ACBD7: variants seen among roughly 807,000 people sequenced by gnomAD.
ACBD7 encodes the protein acyl-CoA binding domain containing 7.
In ACBD7, 11 loss-of-function variants were observed where a neutral mutation model predicts 13.7. The ratio of observed to expected loss-of-function variants is 0.80; its 90% CI spans 0.50 to 1.33. The LOEUF (loss-of-function observed/expected upper bound fraction) is 1.33, where lower values mean the gene tolerates loss of function less well. ACBD7 is among the 40% of genes most tolerant of loss of function. The pLI, the probability that ACBD7 is intolerant of heterozygous loss-of-function variation, is 0.00. For missense variants in ACBD7, 111 were observed against 103.0 expected (o/e 1.08, Z -0.33); for synonymous variants, 43 against 37.7 (o/e 1.14, Z -0.51).
chr10:15,076,462 G>C lies in ACBD7; in HGVS notation c.*2068C>G. On this transcript the variant is annotated 3_prime_UTR_variant, in exon 4 of 4. Coordinates refer to ENST00000356189, the MANE Select transcript of ACBD7 (RefSeq NM_001039844.3). ...AAAGAAAAATAGATATTCCTATGGG[G>C]GCTTTTTAAATTTCTTTAAACTGCT... 1.0e-6 allele frequency: 1 copy of C among 967,706 alleles called. No homozygotes were observed. Among genetic ancestry groups the C allele is most frequent in the Non-Finnish European group, 1.2e-6 (1 of 814,300 alleles). 59.9% of individuals were successfully genotyped at this position (967,706 alleles called of 1,614,324 possible). A position where few individuals can be genotyped will look rare whatever the true frequency, so the allele number is the denominator to read the frequency against.
Position 15,076,483 on chromosome 10 carries a change from C to T in ACBD7, c.*2047G>A. 2.1e-6 allele frequency: 2 copies of T among 945,632 alleles called. No homozygotes were observed. Among genetic ancestry groups the T allele is most frequent in the Non-Finnish European group, 2.5e-6 (2 of 795,466 alleles). 58.6% of individuals were successfully genotyped at this position (945,632 alleles called of 1,614,324 possible). A position where few individuals can be genotyped will look rare whatever the true frequency, so the allele number is the denominator to read the frequency against. The stretch of plus-strand genomic sequence containing the variant: ...TGGGGGCTTTTTAAATTTCTTTAAA[C>T]TGCTATGGACAGACTTGTAATTTTT... On this transcript the variant is annotated 3_prime_UTR_variant, in exon 4 of 4. Coordinates refer to ENST00000356189, the MANE Select transcript of ACBD7 (RefSeq NM_001039844.3).
intron 1 of ACBD7, among the ~76,000 whole-genome samples, chr10:15,080,469 G>A (rs1409881779): frequency 2.0e-5 from 3 of 152,102 alleles, no homozygotes; most frequent in Admixed American, 1.3e-4. Flanking sequence ...AATCCCAGCT[G>A]CTCAGGAGTC....
At position 15,075,673 on chromosome 10, in the gene ACBD7, G is replaced by T. The variant is rs7902261; in HGVS notation, c.*2857C>A. On this transcript the variant is annotated 3_prime_UTR_variant, in exon 4 of 4. Coordinates refer to ENST00000356189, the MANE Select transcript of ACBD7 (RefSeq NM_001039844.3). The stretch of plus-strand genomic sequence containing the variant: ...TATTCCATCCTTTGCGTCTATAAAT[G>T]TTCCCTTTCAAGAATCCTGGCTGGA... 0.18 allele frequency among the ~76,000 whole-genome samples: 27,074 copies of T among 152,016 alleles called. 2,652 individuals carry two copies. The highest frequency in any genetic ancestry group is 0.34 in the East Asian group (1,754 of 5,164).
chr10:15,076,652 A>G lies in ACBD7; in HGVS notation c.*1878T>C. Reference sequence around the variant, plus strand: ...CAAGTAGCTGGAATTACAGGTGTGCACCACCAATGGCTGGCTAATTTTTGT... The same window carrying G: ...CAAGTAGCTGGAATTACAGGTGTGCGCCACCAATGGCTGGCTAATTTTTGT... On this transcript the variant is annotated 3_prime_UTR_variant, in exon 4 of 4. Coordinates refer to ENST00000356189, the MANE Select transcript of ACBD7 (RefSeq NM_001039844.3). 1 of 616,498 alleles carries G rather than the reference A, an allele frequency of 1.6e-6. No individual in the cohort carries two copies. Among genetic ancestry groups the G allele is most frequent in the Non-Finnish European group, 2.0e-6 (1 of 493,528 alleles). The allele number at this position is 616,498 out of a possible 1,614,324, so 38.2% of individuals were successfully genotyped here.
At chr10:15,082,773 A>C (rs1045734839) in intron 1 of ACBD7, among the ~76,000 whole-genome samples, 1 of 152,146 alleles carries the variant, frequency 6.6e-6, no homozygotes, top group African/African-American at 2.4e-5. Context: ...GCAGTGGCTC[A>C]CGTCTGTAAT....
chr10:15,080,322 G>A (rs1353396280), intron 1 of ACBD7, among the ~76,000 whole-genome samples: 1 of 152,170 alleles, frequency 6.6e-6, no homozygotes, highest in Non-Finnish European at 1.5e-5. Flanking sequence ...GCTCATGCCT[G>A]TAATCCTAGC....
intron 1 of ACBD7, among the ~76,000 whole-genome samples, chr10:15,079,878 CT>C (rs1844730363): frequency 8.1e-6 from 1 of 123,894 alleles, no homozygotes. Flanking sequence ...TGCCCAGCTG[CT>C]TTTCTTTTTT....
intron 1 of ACBD7, among the ~76,000 whole-genome samples, chr10:15,080,125 T>C (rs1411715615): frequency 6.6e-6 from 1 of 152,190 alleles, no homozygotes; most frequent in Non-Finnish European, 1.5e-5. Flanking sequence ...GCTGAATTGC[T>C]TGTACAGATT....
intron 1 of ACBD7, among the ~76,000 whole-genome samples, chr10:15,086,443 G>A (rs1444606893): frequency 1.3e-5 from 2 of 152,176 alleles, no homozygotes; most frequent in Non-Finnish European, 2.9e-5. Flanking sequence ...ATTCCTCGTT[G>A]CAAGTATTTT....
At chr10:15,086,277 A>G (rs1259082722) in intron 1 of ACBD7, among the ~76,000 whole-genome samples, 4 of 152,026 alleles carry the variant, frequency 2.6e-5, no homozygotes, top group Non-Finnish European at 4.4e-5. Context: ...ATTGCACTCC[A>G]GCCTGGGCAA....
At chr10:15,082,532 T>A (rs1564540436) in intron 1 of ACBD7, among the ~76,000 whole-genome samples, 1 of 152,190 alleles carries the variant, frequency 6.6e-6, no homozygotes, top group Non-Finnish European at 1.5e-5. Flanking sequence ...ATGGATTGTG[T>A]TTATAATAAG....
At position 15,078,434 on chromosome 10, in the gene ACBD7, G is replaced by C. The variant is rs1844708660; in HGVS notation, c.*96C>G. 1.9e-6 allele frequency: 3 copies of C among 1,597,706 alleles called. No individual in the cohort carries two copies. Among genetic ancestry groups the C allele is most frequent in the Non-Finnish European group, 2.6e-6 (3 of 1,173,594 alleles). On this transcript the variant is annotated 3_prime_UTR_variant, in exon 4 of 4. Coordinates refer to ENST00000356189, the MANE Select transcript of ACBD7 (RefSeq NM_001039844.3). ...TCATGCTAATAGCAAAAATATACAT[G>C]ATACATCAAGTTAACAGTATGCCTC... is the stretch of plus-strand genomic sequence containing the variant.
chr10:15,088,591 A>T, intron 1 of ACBD7, 126 bp downstream of exon 1: 2 of 1,281,508 alleles, frequency 1.6e-6, no homozygotes, highest in Non-Finnish European at 2.1e-6. Flanking sequence ...GCGCTGGGGA[A>T]GGAGTGGGCG....
chr10:15,083,182 G>C (rs927034629), intron 1 of ACBD7, among the ~76,000 whole-genome samples: 35 of 152,354 alleles, frequency 2.3e-4, no homozygotes, highest in African/African-American at 7.5e-4. Context: ...CTCAGTTCTA[G>C]AGCAGGGGCC....
chr10:15,082,999 T>C (rs1314069753), intron 1 of ACBD7, among the ~76,000 whole-genome samples: 2 of 151,856 alleles, frequency 1.3e-5, no homozygotes, highest in African/African-American at 4.8e-5. Flanking sequence ...ATCCTGCCAC[T>C]GCACTCCAGC....
Position 15,075,475 on chromosome 10 carries a change from T to G in ACBD7, c.*3055A>C, listed in dbSNP as rs917505224. ...AAGAAATAATACAGAGAGATTTGTG[T>G]AGCCTTTTACCCAATTTCCTTTAAT... On this transcript the variant is annotated 3_prime_UTR_variant, in exon 4 of 4. Transcript: ENST00000356189. 2.0e-5 allele frequency among the ~76,000 whole-genome samples: 3 copies of G among 152,208 alleles called. No individual in the cohort carries two copies. The highest frequency in any genetic ancestry group is 7.2e-5 in the African/African-American group (3 of 41,468).
At chr10:15,082,162 TG>T (rs1229571632) in intron 1 of ACBD7, among the ~76,000 whole-genome samples, 1 of 151,912 alleles carries the variant, frequency 6.6e-6, no homozygotes, top group Non-Finnish European at 1.5e-5. Flanking sequence ...GGCACATGCC[TG>T]TAATCCCAGC....
Position 15,078,497 on chromosome 10 carries a change from CT to C in ACBD7, c.*32del. ...TTAGGTCATGATAGCATTTGGAAGT[CT>C]TCAAAAGGAAAAATTCCTCATATGC... On this transcript the variant is annotated 3_prime_UTR_variant, in exon 4 of 4. Transcript: ENST00000356189. 6.2e-7 allele frequency: 1 copy of C among 1,613,298 alleles called. No individual in the cohort carries two copies. Among genetic ancestry groups the C allele is most frequent in the Non-Finnish European group, 8.5e-7 (1 of 1,179,902 alleles).
At position 15,078,480 on chromosome 10, in the gene ACBD7, T is replaced by C; in HGVS notation, c.*50A>G. On this transcript the variant is annotated 3_prime_UTR_variant, in exon 4 of 4. Coordinates refer to ENST00000356189, the MANE Select transcript of ACBD7 (RefSeq NM_001039844.3). ...GCCTCTCCCTCTAAATGTTAGGTCA[T>C]GATAGCATTTGGAAGTCTTCAAAAG... is the stretch of plus-strand genomic sequence containing the variant. The C allele has an allele frequency of 6.2e-7, 1 of 1,612,392 alleles. No homozygotes were observed. Among genetic ancestry groups the C allele is most frequent in the Middle Eastern group, 1.9e-4 (1 of 5,132 alleles).
Sources: gnomAD v4.1 joint callset for allele counts (sites outside exome capture counted in the v4.1 genomes callset) on GRCh38, gnomAD v4.1.1 for gene constraint, MANE v1.5 for transcripts, NCBI Gene and HGNC (gene_info 2026-07-23, HGNC 2026-07-21) for gene names.